The following MPHOSPH6 variants were observed in gnomAD, a reference collection of about 807,000 sequenced individuals.
The protein encoded by MPHOSPH6 is M-phase phosphoprotein 6.
A neutral mutation model predicts 21.8 loss-of-function variants in MPHOSPH6; 25 were observed. The ratio of observed to expected loss-of-function variants is 1.15; its 90% CI spans 0.83 to 1.60. MPHOSPH6 has a LOEUF of 1.60. Ranked by LOEUF, MPHOSPH6 falls within the 40% of genes most tolerant of loss-of-function variation. The probability of loss-of-function intolerance (pLI) is 0.00; values close to 1 mark genes in which losing one functional copy is unlikely to be tolerated. For synonymous variants in MPHOSPH6, 84 were observed against 56.5 expected, an observed-to-expected ratio of 1.49 and a Z score of -2.18; for missense variants, 269 against 181.8, an observed-to-expected ratio of 1.48 and a Z score of -2.76.
At chr16:82,158,610 G>A (rs73591450) in intron 2 of MPHOSPH6, among the ~76,000 whole-genome samples, 10,362 of 151,270 alleles carry the variant, frequency 0.069, 655 homozygotes, top group African/African-American at 0.16. Context: ...ATGTCACACC[G>A]TAACTATGGT....
At chr16:82,164,425 G>A (rs746931043) in intron 1 of MPHOSPH6, among the ~76,000 whole-genome samples, 12 of 152,168 alleles carry the variant, frequency 7.9e-5, no homozygotes, top group Admixed American at 5.2e-4. Context: ...TATTTCCTTC[G>A]GAAAACTTAA....
rs147209231 is a variant in MPHOSPH6, at chr16:82,169,510, C to T, written c.51+615G>A. On this transcript the variant is annotated intron_variant, in intron 1 of 4. Coordinates refer to ENST00000258169, the MANE Select transcript of MPHOSPH6 (RefSeq NM_005792.2). ...CTGGGTCTCCAGCCTACTGGCCCAC[C>T]CTGCAGATTTTAGACTTGCATCTCC... Among the ~76,000 whole-genome samples the T allele has an allele frequency of 2.8e-4, 43 of 152,270 alleles. 2 individuals carry two copies. The East Asian group carries it at 7.9e-3, about 28-fold the overall frequency.
At chr16:82,163,872 A>T in intron 2 of MPHOSPH6, 1 of 471,984 alleles carries the variant, frequency 2.1e-6, no homozygotes, top group Non-Finnish European at 3.7e-6. Context: ...AAAAAAGGAC[A>T]AAATAGTGGC....
In MPHOSPH6 at chr16:82,148,736, C is replaced by T; in HGVS notation, c.478G>A (p.Asp160Asn). 1.9e-6 allele frequency: 3 copies of T among 1,614,050 alleles called. No individual in the cohort carries two copies. The highest frequency in any genetic ancestry group is 2.5e-6 in the Non-Finnish European group (3 of 1,179,994). ...CATCGCTTAAGGCATCCATCTTAATCCTGGGGCTTTAAGAACATCTTCTTT... is the reference window on the plus strand; with the variant it reads ...CATCGCTTAAGGCATCCATCTTAATTCTGGGGCTTTAAGAACATCTTCTTT... ...KAKKMFLKPQ[D>N] Residue 160 changes from aspartate to asparagine, a missense_variant, in exon 5 of 5, where the codon GAT becomes AAT. Physicochemically the swap from Asp to Asn is conservative, Grantham distance 23. Transcript: ENST00000258169.
At chr16:82,162,205 A>AAC (rs1906628792) in intron 2 of MPHOSPH6, 1 of 152,264 alleles carries the variant, frequency 6.6e-6, no homozygotes, top group African/African-American at 2.4e-5. Context: ...CAGGTTAAGT[A>AAC]ACTCACCCAA....
chr16:82,168,764 G>A (rs377202391), intron 1 of MPHOSPH6, among the ~76,000 whole-genome samples: 13 of 152,178 alleles, frequency 8.5e-5, no homozygotes, highest in Admixed American at 3.3e-4. Context: ...GAGCCACTGC[G>A]AATGGCCTAT....
rs1370737255 is a variant in MPHOSPH6 at position 82,170,132 on chromosome 16, C to A, written c.44G>T (p.Arg15Leu). The A allele has an allele frequency of 6.3e-7, 1 of 1,592,484 alleles. No individual in the cohort carries two copies. Among genetic ancestry groups the A allele is most frequent in the Non-Finnish European group, 8.5e-7 (1 of 1,169,678 alleles). Reference sequence around the variant, plus strand: ...CTCTCAGCGTCCCCGCACCTTCATGCGCAGTAGATTCTTGGACAACCTTGT... The same window carrying A: ...CTCTCAGCGTCCCCGCACCTTCATGAGCAGTAGATTCTTGGACAACCTTGT... ...RKTRLSKNLL[R>L]MKFMQRGLDS... The change falls in exon 1 of 5, where the codon CGC (arginine) becomes CTC (leucine). Residue 15 changes from arginine (R) to leucine (L), a missense_variant. Arg to Leu is a moderately radical substitution (Grantham distance 102). Transcript: ENST00000258169.
intron 3 of MPHOSPH6, among the ~76,000 whole-genome samples, chr16:82,150,105 TA>T (rs959329183): frequency 2.6e-5 from 4 of 152,046 alleles, no homozygotes; most frequent in African/African-American, 9.7e-5. Flanking sequence ...TTCTAAGGCT[TA>T]AAAGAGTGAT....
At chr16:82,159,105 T>C (rs1318326226) in intron 2 of MPHOSPH6, among the ~76,000 whole-genome samples, 2 of 152,220 alleles carry the variant, frequency 1.3e-5, no homozygotes, top group Non-Finnish European at 2.9e-5. Flanking sequence ...TCCTCTCTTT[T>C]CAACTGTATC....
intron 1 of MPHOSPH6, among the ~76,000 whole-genome samples, chr16:82,169,843 A>C (rs897949667): frequency 4.6e-5 from 7 of 152,194 alleles, no homozygotes; most frequent in African/African-American, 1.7e-4. Flanking sequence ...CAAGGTCCCC[A>C]GCGCTTCTAC....
At chr16:82,158,248 G>A (rs1046058295) in intron 2 of MPHOSPH6, among the ~76,000 whole-genome samples, 5 of 151,864 alleles carry the variant, frequency 3.3e-5, no homozygotes, top group Non-Finnish European at 1.5e-5. Flanking sequence ...CAGCAGTTTG[G>A]GAGGCCGAAG....
At chr16:82,165,285 C>A (rs1183116831) in intron 1 of MPHOSPH6, among the ~76,000 whole-genome samples, 2 of 151,430 alleles carry the variant, frequency 1.3e-5, no homozygotes, top group African/African-American at 2.4e-5. Flanking sequence ...GCCACCACAC[C>A]CAGCTAATTT....
At chr16:82,170,059 C>G in intron 1 of MPHOSPH6, 66 bp downstream of exon 1, 2 of 1,528,276 alleles carry the variant, frequency 1.3e-6, no homozygotes, top group Non-Finnish European at 1.8e-6. Context: ...GCCGCCTCGG[C>G]CCCGGCCAGG....
intron 4 of MPHOSPH6, 74 bp from the exon 5 acceptor site, chr16:82,148,937 G>T: frequency 1.3e-6 from 2 of 1,512,594 alleles, no homozygotes; most frequent in South Asian, 1.2e-5. Flanking sequence ...AAGAATATCA[G>T]ACCAAATATG....
intron 2 of MPHOSPH6, among the ~76,000 whole-genome samples, chr16:82,158,525 A>T (rs889990487): frequency 7.0e-6 from 1 of 143,046 alleles, no homozygotes; most frequent in Non-Finnish European, 1.5e-5. Flanking sequence ...AAAAAAAAAG[A>T]TACTTCATCA....
chr16:82,156,911 G>T (rs1281003796), intron 2 of MPHOSPH6, among the ~76,000 whole-genome samples: 1 of 152,010 alleles, frequency 6.6e-6, no homozygotes, highest in Non-Finnish European at 1.5e-5. Context: ...AAATTAGCCG[G>T]GCATGGTGGT....
chr16:82,169,797 G>C (rs568200645), intron 1 of MPHOSPH6, among the ~76,000 whole-genome samples: 10 of 152,290 alleles, frequency 6.6e-5, no homozygotes, highest in Non-Finnish European at 1.3e-4. Flanking sequence ...GCATATATAA[G>C]TAAGCAACAA....
At chr16:82,154,644 A>G (rs1024169220) in intron 2 of MPHOSPH6, among the ~76,000 whole-genome samples, 12 of 152,128 alleles carry the variant, frequency 7.9e-5, no homozygotes, top group Admixed American at 4.6e-4. Flanking sequence ...AACTTATATA[A>G]TTAAGGGAAA....
At chr16:82,152,657 C>G (rs1047548456) in intron 2 of MPHOSPH6, among the ~76,000 whole-genome samples, 1 of 152,198 alleles carries the variant, frequency 6.6e-6, no homozygotes, top group Non-Finnish European at 1.5e-5. Context: ...AGGAAAACCA[C>G]TGTTGCTGCT....
Sources: gnomAD v4.1 joint callset for allele counts (sites outside exome capture counted in the v4.1 genomes callset) on GRCh38, gnomAD v4.1.1 for gene constraint, MANE v1.5 for transcripts, NCBI Gene and HGNC (gene_info 2026-07-23, HGNC 2026-07-21) for gene names.